The following BTK variants were observed in gnomAD, a reference collection of about 807,000 sequenced individuals.
BTK encodes tyrosine-protein kinase BTK.
BTK carries 5 observed loss-of-function variants against 57.4 expected under a neutral mutation model. The ratio of observed to expected loss-of-function variants is 0.09; its 90% CI spans 0.05 to 0.18. BTK has a LOEUF of 0.18. BTK is among the 10% of genes least tolerant of loss of function. The pLI is 1.00. For missense variants in BTK, 194 were observed against 501.2 expected, an observed-to-expected ratio of 0.39 and a Z score of 5.85; for synonymous variants, 154 against 174.3, an observed-to-expected ratio of 0.88 and a Z score of 0.92.
chrX:101,352,899 C>CAAAA, intron 18 of BTK: 3 of 169,914 alleles, frequency 1.8e-5, no homozygotes, highest in South Asian at 1.8e-4. Flanking sequence ...ACTGTGTCAC[C>CAAAA]AAAAAAAAAA....
intron 1 of BTK, among the ~76,000 whole-genome samples, chrX:101,379,802 A>G (rs3027608): frequency 0.012 from 1,319 of 112,100 alleles, 8 homozygotes; most frequent in Non-Finnish European, 0.018. Flanking sequence ...TCAAGATCCT[A>G]AGCTCTTTCC....
intron 5 of BTK, among the ~76,000 whole-genome samples, chrX:101,367,512 T>C (rs180814026): frequency 0.014 from 1,520 of 108,458 alleles, 31 homozygotes; most frequent in African/African-American, 0.048. Context: ...GGCAGGCGCC[T>C]GTCATCCCAA....
In BTK at chrX:101,371,741, T is replaced by C. The variant is rs370504187; in HGVS notation, c.241-40A>G. 1.0e-5 allele frequency: 11 copies of C among 1,091,651 alleles called. No homozygotes were observed. The African/African-American group carries it at 1.6e-4, about 16-fold the overall frequency. The allele number at this position is 1,091,651 out of a possible 1,213,427, so 90.0% of individuals were successfully genotyped here. A position where few individuals can be genotyped will look rare whatever the true frequency, so the allele number is the denominator to read the frequency against. On this transcript the variant is annotated intron_variant, in intron 3 of 18. Transcript: ENST00000308731. ...GAAAAAATGGTTATTGGTTGATGCA[T>C]TGCTCTTTTCTGAATTTCCTTAGGT...
chrX:101,382,594 C>G (rs1055848535), intron 1 of BTK, among the ~76,000 whole-genome samples: 5 of 111,071 alleles, frequency 4.5e-5, no homozygotes, highest in Non-Finnish European at 9.4e-5. Context: ...ACTTCTAGGT[C>G]TCTGTGATTC....
intron 1 of BTK, among the ~76,000 whole-genome samples, chrX:101,380,517 C>T (rs781863121): frequency 9.0e-6 from 1 of 111,245 alleles, no homozygotes; most frequent in Non-Finnish European, 1.9e-5. Context: ...TAAAATTGTG[C>T]CATATTGCCT....
chrX:101,358,967 G>A (rs1347029122), intron 10 of BTK, among the ~76,000 whole-genome samples: 7 of 111,026 alleles, frequency 6.3e-5, no homozygotes, highest in Admixed American at 4.8e-4. Flanking sequence ...GTGAAACCCC[G>A]TCTCTGCTAA....
chrX:101,373,491 A>G (rs1041537165), intron 3 of BTK, among the ~76,000 whole-genome samples: 2 of 112,065 alleles, frequency 1.8e-5, no homozygotes, highest in African/African-American at 6.5e-5. Context: ...AGTTTCCCAC[A>G]TATCGTTACA....
intron 5 of BTK, 103 bp from the exon 6 acceptor site, chrX:101,362,792 C>T (rs781847202): frequency 8.9e-5 from 97 of 1,093,286 alleles, no homozygotes; most frequent in Middle Eastern, 2.5e-4. Flanking sequence ...AGCAACTGCC[C>T]CCTCCTTGGC....
chrX:101,374,006 G>A (rs1302058699), intron 3 of BTK, among the ~76,000 whole-genome samples: 2 of 109,626 alleles, frequency 1.8e-5, no homozygotes, highest in Non-Finnish European at 3.8e-5. Context: ...GATGGCACCA[G>A]TGCATTCCAG....
At chrX:101,386,284 C>A (rs1162767624), upstream of BTK, 8 of 111,278 alleles carry the variant, frequency 7.2e-5, no homozygotes, top group African/African-American at 2.6e-4. Context: ...AGCATGCTAT[C>A]TGGTTCCCTG....
At chrX:101,361,782 C>G (rs1428336770) in intron 7 of BTK, among the ~76,000 whole-genome samples, 1 of 111,519 alleles carries the variant, frequency 9.0e-6, no homozygotes, top group African/African-American at 3.3e-5. Context: ...GTAATCCCAG[C>G]TACTCAGGAG....
chrX:101,387,959 C>T (rs1307330983), upstream of BTK, among the ~76,000 whole-genome samples: 3 of 109,018 alleles, frequency 2.8e-5, no homozygotes, highest in Non-Finnish European at 5.7e-5. Context: ...CTCCACCTCC[C>T]GGGTTCACGC....
chrX:101,379,168 A>T (rs1227638909), intron 1 of BTK, among the ~76,000 whole-genome samples: 2 of 78,667 alleles, frequency 2.5e-5, no homozygotes, highest in African/African-American at 1.3e-4. Flanking sequence ...AAAAAAAAAT[A>T]AAAAATAAAA....
At chrX:101,390,483 C>T (rs782083457), upstream of BTK, 9 of 513,921 alleles carry the variant, frequency 1.8e-5, no homozygotes, top group Non-Finnish European at 3.1e-5. Context: ...TGTACCTCTC[C>T]CCCGGAACAG....
intron 5 of BTK, among the ~76,000 whole-genome samples, chrX:101,367,993 T>C (rs1204169712): frequency 8.9e-6 from 1 of 111,813 alleles, no homozygotes; most frequent in African/African-American, 3.3e-5. Context: ...CTTATCCCAG[T>C]CTCTGCAAAT....
rs1181216823 is a variant in BTK, at chrX:101,360,665, G to T, written c.679C>A (p.Pro227Thr). 8.3e-7 allele frequency: 1 copy of T among 1,211,178 alleles called. No individual in the cohort carries two copies. Among genetic ancestry groups the T allele is most frequent in the Non-Finnish European group, 1.1e-6 (1 of 895,204 alleles). ...AGCTGTAGATCATTTGCATTCATTG[G>T]CATGTAATCATAAAGGGCCACAACC... ...KKVVALYDYM[P>T]MNANDLQLRK... Residue 227 changes from proline to threonine, a missense_variant, in exon 8 of 19, where the codon CCA becomes ACA. By Grantham distance (38) the Pro-to-Thr change is conservative (BLOSUM62 -1). Around this residue, in one of 3 missense-constraint regions of BTK, gnomAD observed 115 missense variants for 258.3 expected, o/e 0.45. Transcript: ENST00000308731.
At chrX:101,388,273 CAA>C (rs1211805305), upstream of BTK, among the ~76,000 whole-genome samples, 19 of 111,124 alleles carry the variant, frequency 1.7e-4, no homozygotes, top group African/African-American at 5.9e-4. Flanking sequence ...GAGAGCTAAA[CAA>C]GAGAGAGAGA....
At chrX:101,372,410 T>C (rs1202899764) in intron 3 of BTK, among the ~76,000 whole-genome samples, 1 of 111,261 alleles carries the variant, frequency 9.0e-6, no homozygotes. Context: ...AGACCAACTT[T>C]ATGAGTAAAA....
At chrX:101,386,613 G>A (rs1009334316), upstream of BTK, among the ~76,000 whole-genome samples, 3 of 110,709 alleles carry the variant, frequency 2.7e-5, no homozygotes, top group Non-Finnish European at 3.8e-5. Flanking sequence ...CCTGTCCTCC[G>A]GGGCAGAGGA....
Sources: allele counts gnomAD v4.1 joint callset (sites outside exome capture counted in the v4.1 genomes callset), GRCh38; gene constraint gnomAD v4.1.1; regional missense constraint gnomAD v4.1.1; transcripts MANE v1.5; gene names NCBI Gene and HGNC (gene_info 2026-07-23, HGNC 2026-07-21).